TACC2: variants seen among roughly 807,000 people sequenced by gnomAD.
The protein encoded by TACC2 is transforming acidic coiled-coil containing protein 2, also known as transforming acidic coiled-coil-containing protein 2.
Under a neutral mutation model 227.3 loss-of-function variants are expected in TACC2, and 137 were observed. The ratio of observed to expected loss-of-function variants is 0.60; its 90% CI spans 0.52 to 0.69. TACC2 has a LOEUF of 0.69. Among genes scored for constraint, TACC2 ranks in the 30% least tolerant of loss-of-function variants. The pLI is 0.00. For missense variants in TACC2, 3,470 were observed against 3,694.4 expected, an observed-to-expected ratio of 0.94 and a Z score of 1.57; for synonymous variants, 1,523 against 1,487.5, an observed-to-expected ratio of 1.02 and a Z score of -0.55.
chr10:122,134,227 A>G (rs2138917347), intron 6 of TACC2, among the ~76,000 whole-genome samples: 1 of 149,812 alleles, frequency 6.7e-6, no homozygotes, highest in East Asian at 2.0e-4. Context: ...GCTGGAGTAC[A>G]GTGGCACAAT....
chr10:122,250,911 CTTTTTTT>C (rs56383359), intron 22 of TACC2, among the ~76,000 whole-genome samples: 248 of 47,530 alleles, frequency 5.2e-3, no homozygotes, highest in Non-Finnish European at 8.1e-3. Flanking sequence ...TATTTTCATT[CTTTTTTT>C]TTTTTTTTTT....
At position 122,210,471 on chromosome 10, in the gene TACC2, C is replaced by T; in HGVS notation, c.6046C>T (p.Pro2016Ser). The T allele has an allele frequency of 1.2e-6, 2 of 1,614,080 alleles. No homozygotes were observed. The highest frequency in any genetic ancestry group is 1.6e-4 in the Middle Eastern group (1 of 6,062). ...DSVEGSPFRP[P>S]SHSFSAVFDE... ...GGTGGAAGGAAGTCCCTTCCGTCCCCCGTCACACTCCTTCTCTGCCGTCTT... is the reference window on the plus strand; with the variant it reads ...GGTGGAAGGAAGTCCCTTCCGTCCCTCGTCACACTCCTTCTCTGCCGTCTT... The change falls in exon 9 of 23, where the codon CCG (proline) becomes TCG (serine). Residue 2016 changes from proline to serine, a missense_variant. Transcript: ENST00000369005. The surrounding 1 kb of genome is among the most constrained non-coding windows in gnomAD (Gnocchi z 4.6).
At chr10:122,221,507 T>G (rs2095522976) in intron 11 of TACC2, among the ~76,000 whole-genome samples, 1 of 152,134 alleles carries the variant, frequency 6.6e-6, no homozygotes, top group Admixed American at 6.5e-5. Flanking sequence ...GAGGGGAAAG[T>G]GCCCTCCTTG....
chr10:122,174,761 A>G (rs1447514150), intron 7 of TACC2, among the ~76,000 whole-genome samples: 1 of 152,202 alleles, frequency 6.6e-6, no homozygotes, highest in East Asian at 1.9e-4. Flanking sequence ...AGATAGAGTC[A>G]CTAAGTTGTA....
intron 15 of TACC2, 56 bp from the exon 16 acceptor site, chr10:122,230,295 A>G: frequency 6.9e-7 from 1 of 1,450,304 alleles, no homozygotes. Context: ...TGTGGAAACC[A>G]TTGACGTCTG....
At chr10:122,217,180 G>A (rs1264231629) in intron 11 of TACC2, among the ~76,000 whole-genome samples, 1 of 152,070 alleles carries the variant, frequency 6.6e-6, no homozygotes, top group Non-Finnish European at 1.5e-5. Flanking sequence ...TGTCATTCAA[G>A]TCAAACTCTC....
chr10:122,110,749 A>G (rs1444127389), intron 5 of TACC2, among the ~76,000 whole-genome samples: 1 of 152,222 alleles, frequency 6.6e-6, no homozygotes, highest in Non-Finnish European at 1.5e-5. Context: ...ATAACCAGGT[A>G]CCTACTGCAT....
intron 1 of TACC2, among the ~76,000 whole-genome samples, chr10:121,993,537 G>C (rs1334307038): frequency 6.6e-6 from 1 of 152,104 alleles, no homozygotes; most frequent in Non-Finnish European, 1.5e-5. Flanking sequence ...ACATTGTATG[G>C]TTAGGTTTAG....
chr10:122,179,157 A>G (rs188986270), intron 7 of TACC2, among the ~76,000 whole-genome samples: 2 of 152,322 alleles, frequency 1.3e-5, no homozygotes, highest in East Asian at 1.9e-4. Flanking sequence ...TTCTTTTATC[A>G]TGAAATTGAG....
At position 122,210,445 on chromosome 10, in the gene TACC2, C is replaced by T. The variant is rs376162843; in HGVS notation, c.6020C>T (p.Ser2007Leu). The change falls in exon 9 of 23, where the codon TCG becomes TTG. Residue 2007 changes from serine (S) to leucine (L), a missense_variant. Ser to Leu is a moderately radical substitution (Grantham distance 145). This residue lies in a region of TACC2 where 593 missense variants were observed against 636.6 expected (regional missense o/e 0.93). Transcript: ENST00000369005. The surrounding 1 kb of genome is among the most constrained non-coding windows in gnomAD (Gnocchi z 4.6). Reference sequence around the variant, plus strand: ...GTCCCTGATGGCCCACGGAGCGACTCGGTGGAAGGAAGTCCCTTCCGTCCC... The same window carrying T: ...GTCCCTGATGGCCCACGGAGCGACTTGGTGGAAGGAAGTCCCTTCCGTCCC... Reference protein sequence around the residue: ...VPVPDGPRSDSVEGSPFRPPS... With the variant: ...VPVPDGPRSDLVEGSPFRPPS... 1.7e-4 allele frequency: 273 copies of T among 1,613,994 alleles called. No individual in the cohort carries two copies. The highest frequency in any genetic ancestry group is 2.2e-4 in the Non-Finnish European group (259 of 1,180,030).
intron 3 of TACC2, among the ~76,000 whole-genome samples, chr10:122,055,465 A>C (rs184201098): frequency 3.3e-5 from 5 of 152,316 alleles, no homozygotes; most frequent in Admixed American, 2.6e-4. Flanking sequence ...AGGAACAGAA[A>C]AGCAAACACT....
intron 7 of TACC2, among the ~76,000 whole-genome samples, chr10:122,185,397 T>C (rs559457500): frequency 2.1e-4 from 32 of 152,260 alleles, no homozygotes; most frequent in Middle Eastern, 3.4e-3. Flanking sequence ...GGTTTCTCCA[T>C]GTTGGCCAGG....
intron 2 of TACC2, among the ~76,000 whole-genome samples, chr10:122,027,440 A>T (rs1168365382): frequency 1.3e-5 from 2 of 150,352 alleles, no homozygotes; most frequent in East Asian, 2.0e-4. Context: ...GTGTCTGTGT[A>T]TTTTTTTTTA....
intron 5 of TACC2, among the ~76,000 whole-genome samples, chr10:122,105,596 C>T (rs2082663857): frequency 6.6e-6 from 1 of 151,444 alleles, no homozygotes; most frequent in Admixed American, 6.6e-5. Flanking sequence ...ATGTGCCTGT[C>T]TTTCCACGTA....
intron 1 of TACC2, among the ~76,000 whole-genome samples, chr10:122,013,874 T>A (rs1956238823): frequency 6.6e-6 from 1 of 152,166 alleles, no homozygotes; most frequent in South Asian, 2.1e-4. Context: ...GGTAAATCAT[T>A]TCCAACCTCT....
At chr10:122,203,059 C>CT (rs977008018) in intron 8 of TACC2, among the ~76,000 whole-genome samples, 9 of 152,100 alleles carry the variant, frequency 5.9e-5, no homozygotes, top group African/African-American at 2.2e-4. Flanking sequence ...ATGTCTACCT[C>CT]TTTCTACACA....
intron 1 of TACC2, among the ~76,000 whole-genome samples, chr10:122,020,331 T>C (rs9730862): frequency 6.6e-6 from 1 of 152,038 alleles, no homozygotes; most frequent in African/African-American, 2.4e-5. Context: ...TGTGTGTGTG[T>C]GTGTGTGTCT....
chr10:122,189,157 C>A (rs904101806), intron 7 of TACC2, among the ~76,000 whole-genome samples: 1 of 151,898 alleles, frequency 6.6e-6, no homozygotes, highest in Non-Finnish European at 1.5e-5. Flanking sequence ...TTTATGCCAG[C>A]GAGGTGTGTG....
At chr10:122,044,236 G>C (rs188866673) in intron 2 of TACC2, among the ~76,000 whole-genome samples, 1 of 152,320 alleles carries the variant, frequency 6.6e-6, no homozygotes, top group South Asian at 2.1e-4. Context: ...GCAGCCTTTC[G>C]CTTGTTGGCC....
Sources: gnomAD v4.1 joint callset for allele counts (sites outside exome capture counted in the v4.1 genomes callset) on GRCh38, gnomAD v4.1.1 for gene constraint, gnomAD v4.1.1 regional missense constraint, Gnocchi (gnomAD v3.1) non-coding constraint, MANE v1.5 for transcripts, NCBI Gene and HGNC (gene_info 2026-07-23, HGNC 2026-07-21) for gene names.